SLC38A8: variants seen among roughly 807,000 people sequenced by gnomAD.
SLC38A8 encodes the protein solute carrier family 38 member 8, also known as amino acid transporter SLC38A8.
SLC38A8 carries 65 observed loss-of-function variants against 46.0 expected under a neutral mutation model. That is an observed-to-expected ratio of 1.41 (90% CI 1.16 to 1.74). SLC38A8 has a LOEUF of 1.74. Ranked by LOEUF, SLC38A8 falls within the 40% of genes most tolerant of loss-of-function variation. SLC38A8 has a pLI of 0.00. For missense variants in SLC38A8, 998 were observed against 567.9 expected, an observed-to-expected ratio of 1.76 and a Z score of -7.70; for synonymous variants, 447 against 243.7, an observed-to-expected ratio of 1.83 and a Z score of -7.77.
intron 5 of SLC38A8, among the ~76,000 whole-genome samples, chr16:84,030,544 G>A (rs2085225625): frequency 6.6e-6 from 1 of 151,984 alleles, no homozygotes; most frequent in Non-Finnish European, 1.5e-5. Context: ...GATGTCTCCA[G>A]GTCGGCTCTA....
chr16:84,030,463 C>T (rs2085224535), intron 5 of SLC38A8, among the ~76,000 whole-genome samples: 1 of 152,032 alleles, frequency 6.6e-6, no homozygotes, highest in African/African-American at 2.4e-5. Context: ...CCACGTTTCT[C>T]CTGCCAGCCC....
chr16:84,013,642 G>C (rs1458634960), intron 9 of SLC38A8, among the ~76,000 whole-genome samples: 2 of 151,660 alleles, frequency 1.3e-5, no homozygotes, highest in African/African-American at 4.8e-5. Flanking sequence ...TGTTGGTCAG[G>C]ATGGTCTGGA....
At chr16:84,027,089 C>A (rs1047815091) in intron 6 of SLC38A8, among the ~76,000 whole-genome samples, 41 of 152,162 alleles carry the variant, frequency 2.7e-4, no homozygotes, top group African/African-American at 9.2e-4. Context: ...CAGTGGCTCA[C>A]GCCTGTAATC....
chr16:84,021,691 A>G (rs1170714411), intron 7 of SLC38A8, among the ~76,000 whole-genome samples: 1 of 152,210 alleles, frequency 6.6e-6, no homozygotes, highest in African/African-American at 2.4e-5. Flanking sequence ...CAGGTAGTCA[A>G]TCATCAACAC....
intron 9 of SLC38A8, among the ~76,000 whole-genome samples, chr16:84,013,529 C>G (rs2084983699): frequency 7.2e-6 from 1 of 138,222 alleles, no homozygotes; most frequent in African/African-American, 2.6e-5. Context: ...CTCCCGGGTT[C>G]AAGTCATTCT....
At chr16:84,039,532 G>A (rs2085343550) in intron 2 of SLC38A8, among the ~76,000 whole-genome samples, 1 of 152,064 alleles carries the variant, frequency 6.6e-6, no homozygotes, top group Non-Finnish European at 1.5e-5. Flanking sequence ...ATCACCTGAG[G>A]TCAGGAGATC....
At chr16:84,011,345 C>T (rs1231831945) in intron 10 of SLC38A8, among the ~76,000 whole-genome samples, 2 of 152,192 alleles carry the variant, frequency 1.3e-5, no homozygotes, top group Non-Finnish European at 2.9e-5. Flanking sequence ...GAATGAGCGG[C>T]TTAGGGGGTT....
chr16:84,028,159 G>C (rs1050273316), intron 6 of SLC38A8, among the ~76,000 whole-genome samples: 5 of 152,034 alleles, frequency 3.3e-5, no homozygotes, highest in African/African-American at 1.2e-4. Context: ...ACAAAGCTGA[G>C]ATCCGGTGGT....
At chr16:84,037,488 C>A (rs548474423) in intron 2 of SLC38A8, among the ~76,000 whole-genome samples, 6 of 152,336 alleles carry the variant, frequency 3.9e-5, no homozygotes, top group African/African-American at 1.4e-4. Flanking sequence ...CGGCTGGGCA[C>A]AGTGGCTCAT....
rs770575237 is a variant in SLC38A8, at chr16:84,013,086, G to C, written c.1163-34C>G. The C allele has an allele frequency of 1.1e-5, 17 of 1,613,068 alleles. No individual in the cohort carries two copies. In the African/African-American group the frequency reaches 1.3e-4, roughly 13 times the overall value. Reference sequence around the variant, plus strand: ...AAGACAGGGTCACCCACAGTTCTTCGTTATCAAACCCAAAGCAACAAAAAG... The same window carrying C: ...AAGACAGGGTCACCCACAGTTCTTCCTTATCAAACCCAAAGCAACAAAAAG... On this transcript the variant is annotated intron_variant, in intron 9 of 10. Transcript: ENST00000299709.
intron 4 of SLC38A8, 107 bp from the exon 5 acceptor site, chr16:84,032,075 G>A (rs568418827): frequency 4.3e-6 from 4 of 922,900 alleles, no homozygotes; most frequent in Non-Finnish European, 6.8e-6. Context: ...ACAATGAGGT[G>A]CTGGCCAAGC....
chr16:84,024,834 C>A (rs1324328710), intron 6 of SLC38A8, among the ~76,000 whole-genome samples: 1 of 152,086 alleles, frequency 6.6e-6, no homozygotes, highest in Non-Finnish European at 1.5e-5. Context: ...GGATTACAGG[C>A]ACGCCCAGCT....
chr16:84,025,173 A>G (rs907804015), intron 6 of SLC38A8, among the ~76,000 whole-genome samples: 5 of 151,918 alleles, frequency 3.3e-5, no homozygotes, highest in Admixed American at 2.0e-4. Context: ...TTTTCCGGAC[A>G]CACTGGTGGG....
intron 2 of SLC38A8, among the ~76,000 whole-genome samples, chr16:84,038,175 G>C (rs1337575096): frequency 6.6e-6 from 1 of 152,016 alleles, no homozygotes; most frequent in East Asian, 1.9e-4. Context: ...GCCAGGCATG[G>C]TGGCACATGC....
Position 84,031,129 on chromosome 16 carries a change from C to T in SLC38A8, c.632+738G>A, listed in dbSNP as rs2085233449. ...CATCTCGGCTCACTGCAACCTCTGC[C>T]ACCCGGTTCAAGCAATTCTCCTGCC... On this transcript the variant is annotated intron_variant, in intron 5 of 10. Coordinates refer to ENST00000299709, the MANE Select transcript of SLC38A8 (RefSeq NM_001080442.3). Among the ~76,000 whole-genome samples the T allele has an allele frequency of 2.6e-5, 4 of 152,150 alleles. No homozygotes were observed. The South Asian group carries it at 8.3e-4, about 32-fold the overall frequency.
At position 84,042,177 on chromosome 16, in the gene SLC38A8, G is replaced by C; in HGVS notation, c.-2-18C>G. The C allele has an allele frequency of 6.3e-7, 1 of 1,596,190 alleles. No individual in the cohort carries two copies. Among genetic ancestry groups the C allele is most frequent in the Non-Finnish European group, 8.5e-7 (1 of 1,172,640 alleles). ...CTCCATGGCTAGAGGCGGCAGAGGG[G>C]TGGAGAGAAAGCACAGTCTTCACGC... On this transcript the variant is annotated intron_variant, in intron 1 of 10. Transcript: ENST00000299709.
At chr16:84,024,652 GC>G (rs2085140147) in intron 6 of SLC38A8, among the ~76,000 whole-genome samples, 1 of 152,074 alleles carries the variant, frequency 6.6e-6, no homozygotes, top group Non-Finnish European at 1.5e-5. Flanking sequence ...GTGGTGGCAA[GC>G]ACCTGTAATC....
intron 9 of SLC38A8, among the ~76,000 whole-genome samples, chr16:84,016,037 G>A (rs947004882): frequency 3.9e-5 from 6 of 152,068 alleles, no homozygotes; most frequent in African/African-American, 1.5e-4. Context: ...CCACATGGCT[G>A]AGGAGGCCTC....
Position 84,016,687 on chromosome 16 carries a change from C to A in SLC38A8, c.994G>T (p.Gly332Ter). ...QDFWRRSCLG[G>*]WGPSALADPS... ...TCGGCCAGGGCGCTGGGCCCCCATCCCCCCAAGCAGCTCCTCCTCCAGAAG... is the reference window on the plus strand; with the variant it reads ...TCGGCCAGGGCGCTGGGCCCCCATCACCCCAAGCAGCTCCTCCTCCAGAAG... The change falls in exon 9 of 11, where the codon GGA becomes TGA. Residue 332 changes from glycine to a stop codon, truncating the protein, a stop_gained. Transcript: ENST00000299709. LOFTEE classifies it high-confidence loss of function. The A allele has an allele frequency of 1.2e-6, 2 of 1,613,398 alleles. No homozygotes were observed. Among genetic ancestry groups the A allele is most frequent in the South Asian group, 2.2e-5 (2 of 91,056 alleles).
Sources: gnomAD v4.1 joint callset for allele counts (sites outside exome capture counted in the v4.1 genomes callset) on GRCh38, gnomAD v4.1.1 for gene constraint, MANE v1.5 for transcripts, NCBI Gene and HGNC (gene_info 2026-07-23, HGNC 2026-07-21) for gene names.